GRM8: variants seen among roughly 807,000 people sequenced by gnomAD.
The protein encoded by GRM8 is glutamate metabotropic receptor 8.
GRM8 carries 47 observed loss-of-function variants against 87.2 expected under a neutral mutation model. The observed-to-expected ratio is 0.54, with a 90% CI of 0.43 to 0.69. The LOEUF is 0.69. Among genes scored for constraint, GRM8 ranks in the 30% least tolerant of loss-of-function variants. The probability of loss-of-function intolerance (pLI) is 0.00; values close to 1 mark genes in which losing one functional copy is unlikely to be tolerated. For synonymous variants in GRM8, 396 were observed against 404.5 expected, an observed-to-expected ratio of 0.98 and a Z score of 0.25; for missense variants, 1,019 against 1,139.2, an observed-to-expected ratio of 0.89 and a Z score of 1.52.
intron 3 of GRM8, among the ~76,000 whole-genome samples, chr7:127,042,679 A>T (rs978509531): frequency 6.6e-6 from 1 of 152,218 alleles, no homozygotes; most frequent in Non-Finnish European, 1.5e-5. Flanking sequence ...AACCTAGGCA[A>T]TTCCATTCAG....
chr7:126,471,432 A>G lies in GRM8; in HGVS notation c.2431-25060T>C, dbSNP rs373681824. On this transcript the variant is annotated intron_variant, in intron 9 of 10. Coordinates refer to ENST00000339582, the MANE Select transcript of GRM8 (RefSeq NM_000845.3). ...ATGGCTAGCCAGTTTTCCCAGCACC[A>G]TTTATTAAATAGGGAATCCTTTCCC... 1.3e-4 allele frequency among the ~76,000 whole-genome samples: 19 copies of G among 151,942 alleles called. No homozygotes were observed. In the South Asian group the frequency reaches 2.5e-3, roughly 20 times the overall value.
At chr7:127,000,576 G>T (rs1219543729) in intron 3 of GRM8, among the ~76,000 whole-genome samples, 1 of 151,496 alleles carries the variant, frequency 6.6e-6, no homozygotes, top group African/African-American at 2.4e-5. Flanking sequence ...ATTACACTAG[G>T]TGGCATACGC....
chr7:126,724,023 T>C (rs1348166961), intron 7 of GRM8, among the ~76,000 whole-genome samples: 1 of 152,158 alleles, frequency 6.6e-6, no homozygotes, highest in Admixed American at 6.5e-5. Context: ...AGGGCATACA[T>C]TTTTAAACAG....
chr7:126,528,193 G>T (rs1291083839), intron 9 of GRM8, among the ~76,000 whole-genome samples: 1 of 152,026 alleles, frequency 6.6e-6, no homozygotes, highest in Non-Finnish European at 1.5e-5. Context: ...ACAGAGCAGA[G>T]CAAGACTCCA....
intron 7 of GRM8, among the ~76,000 whole-genome samples, chr7:126,631,648 C>G (rs1801275793): frequency 6.6e-6 from 1 of 152,108 alleles, no homozygotes; most frequent in Non-Finnish European, 1.5e-5. Context: ...TACAAGGCTA[C>G]AGTAACCAGA....
At chr7:126,873,760 T>G (rs1348134318) in intron 6 of GRM8, among the ~76,000 whole-genome samples, 1 of 152,114 alleles carries the variant, frequency 6.6e-6, no homozygotes, top group Non-Finnish European at 1.5e-5. Flanking sequence ...ATGTTCAGGC[T>G]CTCAACATGG....
intron 9 of GRM8, among the ~76,000 whole-genome samples, chr7:126,508,018 G>A (rs1810753417): frequency 6.6e-6 from 1 of 151,886 alleles, no homozygotes; most frequent in Non-Finnish European, 1.5e-5. Flanking sequence ...ACCTGCACTG[G>A]CAGGACAAGT....
At chr7:126,943,581 T>A (rs1335421555) in intron 3 of GRM8, among the ~76,000 whole-genome samples, 1 of 152,208 alleles carries the variant, frequency 6.6e-6, no homozygotes, top group Non-Finnish European at 1.5e-5. Context: ...CCATATCAAA[T>A]CCATTAAATC....
At chr7:126,720,910 A>G (rs1318935701) in intron 7 of GRM8, among the ~76,000 whole-genome samples, 4 of 152,188 alleles carry the variant, frequency 2.6e-5, no homozygotes, top group Non-Finnish European at 5.9e-5. Context: ...TTTTGAGGAA[A>G]CTGCTTTGTG....
intron 7 of GRM8, among the ~76,000 whole-genome samples, chr7:126,639,380 G>T (rs1218869649): frequency 1.3e-5 from 2 of 152,200 alleles, no homozygotes; most frequent in African/African-American, 2.4e-5. Flanking sequence ...TTCCAGCAGT[G>T]TGGGGTCCAA....
intron 7 of GRM8, among the ~76,000 whole-genome samples, chr7:126,676,991 CT>C (rs1335970918): frequency 1.3e-5 from 2 of 152,056 alleles, no homozygotes; most frequent in African/African-American, 2.4e-5. Context: ...TATCCAGAAT[CT>C]ACAAGGAATT....
At chr7:126,515,347 T>C (rs1450245912) in intron 9 of GRM8, among the ~76,000 whole-genome samples, 1 of 152,146 alleles carries the variant, frequency 6.6e-6, no homozygotes. Context: ...AAATCATCAT[T>C]ATTATTATAA....
In GRM8 at chr7:126,658,849, C is replaced by A. The variant is rs1804824167; in HGVS notation, c.1358-49351G>T. 2.0e-5 allele frequency among the ~76,000 whole-genome samples: 3 copies of A among 152,120 alleles called. No individual in the cohort carries two copies. In the South Asian group the frequency reaches 6.2e-4, roughly 32 times the overall value. On this transcript the variant is annotated intron_variant, in intron 7 of 10. Transcript: ENST00000339582. ...ACAGATGAAAAAACGTACACAGACA[C>A]AGGTGTTTTGCCTGGCCGCGCGGCT... is the stretch of plus-strand genomic sequence containing the variant.
chr7:126,653,774 T>C (rs1431920542), intron 7 of GRM8, among the ~76,000 whole-genome samples: 3 of 152,242 alleles, frequency 2.0e-5, no homozygotes, highest in Non-Finnish European at 4.4e-5. Flanking sequence ...TTCAATAGTG[T>C]TGTTTTCTTT....
intron 8 of GRM8, among the ~76,000 whole-genome samples, chr7:126,536,043 A>C (rs1057176108): frequency 6.6e-6 from 1 of 152,182 alleles, no homozygotes; most frequent in African/African-American, 2.4e-5. Flanking sequence ...AAACTGCTAC[A>C]TTTTGGAGTT....
chr7:126,931,564 G>A (rs1805774240), intron 3 of GRM8, among the ~76,000 whole-genome samples: 1 of 152,098 alleles, frequency 6.6e-6, no homozygotes, highest in Non-Finnish European at 1.5e-5. Context: ...TCAAATAGAA[G>A]TCAAATTCAT....
chr7:126,466,633 T>C (rs1414674865), intron 9 of GRM8, among the ~76,000 whole-genome samples: 1 of 151,802 alleles, frequency 6.6e-6, no homozygotes, highest in Non-Finnish European at 1.5e-5. Flanking sequence ...GCCAATGATA[T>C]AAGTTCTGGT....
chr7:127,184,038 C>T (rs908788287), intron 2 of GRM8, among the ~76,000 whole-genome samples: 1 of 151,720 alleles, frequency 6.6e-6, no homozygotes, highest in Non-Finnish European at 1.5e-5. Context: ...ACCATCAAAA[C>T]AAAAGCACCA....
rs552761247 is a variant in GRM8, at chr7:126,852,557, T to C, written c.1156+49985A>G. On this transcript the variant is annotated intron_variant, in intron 6 of 10. Transcript: ENST00000339582. Reference sequence around the variant, plus strand: ...ATGAAAAGAAAGAGCTGACAGTAAATAGGTTTATAGAACTGAACTAGAAAG... The same window carrying C: ...ATGAAAAGAAAGAGCTGACAGTAAACAGGTTTATAGAACTGAACTAGAAAG... 5.3e-5 allele frequency among the ~76,000 whole-genome samples: 8 copies of C among 152,330 alleles called. No individual in the cohort carries two copies. The South Asian group carries it at 1.7e-3, about 32-fold the overall frequency.
Sources: gnomAD v4.1 joint callset for allele counts (sites outside exome capture counted in the v4.1 genomes callset) on GRCh38, gnomAD v4.1.1 for gene constraint, MANE v1.5 for transcripts, NCBI Gene and HGNC (gene_info 2026-07-23, HGNC 2026-07-21) for gene names.